Variants in SPIN1 observed in about 807,000 individuals in gnomAD.
The protein encoded by SPIN1 is spindlin-1.
In SPIN1, 3 loss-of-function variants were observed where a neutral mutation model predicts 26.0. The ratio of observed to expected loss-of-function variants is 0.12; its 90% CI spans 0.05 to 0.30. The LOEUF is 0.30. Among genes scored for constraint, SPIN1 ranks in the 10% least tolerant of loss-of-function variants. SPIN1 has a pLI of 1.00. For missense variants in SPIN1, 126 were observed against 333.4 expected, an observed-to-expected ratio of 0.38 and a Z score of 4.84; for synonymous variants, 101 against 116.5, an observed-to-expected ratio of 0.87 and a Z score of 0.86.
intron 1 of SPIN1, among the ~76,000 whole-genome samples, chr9:88,408,697 C>T (rs1262783181): frequency 8.2e-6 from 1 of 121,954 alleles, no homozygotes. Flanking sequence ...TTTTTTGAGA[C>T]AGTTTCACTC....
intron 1 of SPIN1, among the ~76,000 whole-genome samples, chr9:88,399,475 A>ATGC (rs1460460269): frequency 1.3e-5 from 2 of 152,210 alleles, no homozygotes; most frequent in Admixed American, 1.3e-4. Flanking sequence ...CATGGAAACC[A>ATGC]TGCTAGTTCT....
chr9:88,394,076 C>T (rs955343768), intron 1 of SPIN1, among the ~76,000 whole-genome samples: 1 of 152,104 alleles, frequency 6.6e-6, no homozygotes, highest in Admixed American at 6.5e-5. Context: ...CTCAAACTCC[C>T]AAGCTCAAGT....
rs537141376 is a variant in SPIN1 at position 88,411,633 on chromosome 9, C to T, written c.-158-14749C>T. 2.6e-5 allele frequency among the ~76,000 whole-genome samples: 4 copies of T among 152,156 alleles called. No individual in the cohort carries two copies. In the South Asian group the frequency reaches 6.2e-4, roughly 24 times the overall value. On this transcript the variant is annotated intron_variant, in intron 1 of 5. Transcript: ENST00000375859. ...GGCTCAAGCTGTCCTTCTGTGTCAGCCTCCCTAGTAGCCGGGACTACAGGT... is the reference window on the plus strand; with the variant it reads ...GGCTCAAGCTGTCCTTCTGTGTCAGTCTCCCTAGTAGCCGGGACTACAGGT...
At chr9:88,428,837 T>C (rs893974103) in intron 2 of SPIN1, among the ~76,000 whole-genome samples, 1 of 152,196 alleles carries the variant, frequency 6.6e-6, no homozygotes, top group African/African-American at 2.4e-5. Flanking sequence ...TGTAAGAAGA[T>C]ACAAGAAAAA....
At chr9:88,444,787 T>G (rs564311674) in intron 2 of SPIN1, among the ~76,000 whole-genome samples, 8 of 148,950 alleles carry the variant, frequency 5.4e-5, no homozygotes, top group Middle Eastern at 6.9e-3. Context: ...ACCTCCCGGG[T>G]TCACACCATT....
Position 88,477,819 on chromosome 9 carries a change from T to TG in SPIN1, c.*2543dup, listed in dbSNP as rs1360632372. On this transcript the variant is annotated 3_prime_UTR_variant, in exon 6 of 6. Coordinates refer to ENST00000375859, the MANE Select transcript of SPIN1 (RefSeq NM_006717.3). ...AATTTATCGGCCTTTCTCATTTACC[T>TG]GCTCTAGTATTATTGTATTGTGTGT... The TG allele has an allele frequency of 1.3e-5, 2 of 152,404 alleles. No homozygotes were observed. Among genetic ancestry groups the TG allele is most frequent in the African/African-American group, 2.4e-5 (1 of 41,454 alleles). The allele number at this position is 152,404 out of a possible 1,614,324, so 9.4% of individuals were successfully genotyped here.
intron 1 of SPIN1, among the ~76,000 whole-genome samples, chr9:88,414,544 G>T (rs1191543437): frequency 6.6e-6 from 1 of 152,196 alleles, no homozygotes; most frequent in Non-Finnish European, 1.5e-5. Flanking sequence ...GTGATATCAC[G>T]TGGCTGACCT....
intron 2 of SPIN1, 132 bp downstream of exon 2, chr9:88,426,723 T>G: frequency 1.6e-6 from 1 of 613,068 alleles, no homozygotes; most frequent in Non-Finnish European, 2.7e-6. Flanking sequence ...TATACACATA[T>G]GCATATATTA....
intron 3 of SPIN1, among the ~76,000 whole-genome samples, chr9:88,451,948 G>T (rs1223664165): frequency 6.6e-6 from 1 of 152,120 alleles, no homozygotes; most frequent in Non-Finnish European, 1.5e-5. Flanking sequence ...GTTTTCAAAT[G>T]TAAATTCCCT....
At chr9:88,460,014 G>A (rs1828546175) in intron 3 of SPIN1, among the ~76,000 whole-genome samples, 1 of 152,160 alleles carries the variant, frequency 6.6e-6, no homozygotes, top group Non-Finnish European at 1.5e-5. Flanking sequence ...CCCAAAGGGT[G>A]TTATTTTCTT....
At chr9:88,464,557 T>C (rs867129147) in intron 4 of SPIN1, among the ~76,000 whole-genome samples, 2 of 152,308 alleles carry the variant, frequency 1.3e-5, no homozygotes, top group Non-Finnish European at 2.9e-5. Context: ...TCAGAAATAT[T>C]TTCATTTTGT....
At chr9:88,417,351 CCA>C (rs1827588366) in intron 1 of SPIN1, among the ~76,000 whole-genome samples, 1 of 152,162 alleles carries the variant, frequency 6.6e-6, no homozygotes. Context: ...TCTGATGACT[CCA>C]GTTGGTTGTC....
intron 1 of SPIN1, chr9:88,410,807 T>G (rs1167361787): frequency 3.1e-6 from 3 of 959,568 alleles, no homozygotes; most frequent in Non-Finnish European, 5.0e-6. Flanking sequence ...CCACTGAAGT[T>G]TCCTCCACTA....
chr9:88,414,340 C>T (rs1827517902), intron 1 of SPIN1, among the ~76,000 whole-genome samples: 1 of 152,250 alleles, frequency 6.6e-6, no homozygotes, highest in African/African-American at 2.4e-5. Flanking sequence ...GGCCAGCCCC[C>T]CACCTCCACA....
intron 5 of SPIN1, among the ~76,000 whole-genome samples, chr9:88,469,952 CTT>C (rs1828746102): frequency 1.3e-5 from 2 of 151,642 alleles, no homozygotes; most frequent in Non-Finnish European, 2.9e-5. Context: ...CAAAAGAAAA[CTT>C]TGTATCTGTT....
chr9:88,414,771 CAGGTAG>C (rs1300252123), intron 1 of SPIN1, among the ~76,000 whole-genome samples: 1 of 152,168 alleles, frequency 6.6e-6, no homozygotes, highest in East Asian at 1.9e-4. Context: ...TGCTGTACTT[CAGGTAG>C]AGGTTAGGAA....
chr9:88,449,291 C>T (rs1587806437), intron 3 of SPIN1, among the ~76,000 whole-genome samples: 1 of 151,962 alleles, frequency 6.6e-6, no homozygotes, highest in African/African-American at 2.4e-5. Flanking sequence ...CTCTTCTCTC[C>T]TTGGAATGCC....
chr9:88,473,409 A>AT, intron 5 of SPIN1, among the ~76,000 whole-genome samples: 1 of 151,756 alleles, frequency 6.6e-6, no homozygotes, highest in African/African-American at 2.4e-5. Flanking sequence ...GAAAAAAAAA[A>AT]TTGTGTACAT....
chr9:88,421,602 C>T (rs1363745872), intron 1 of SPIN1, among the ~76,000 whole-genome samples: 1 of 102,462 alleles, frequency 9.8e-6, no homozygotes, highest in African/African-American at 3.8e-5. Context: ...GTAGCTTTCG[C>T]CAGCCCCCTC....
Sources: gnomAD v4.1 joint callset for allele counts (sites outside exome capture counted in the v4.1 genomes callset) on GRCh38, gnomAD v4.1.1 for gene constraint, MANE v1.5 for transcripts, NCBI Gene and HGNC (gene_info 2026-07-23, HGNC 2026-07-21) for gene names.